PTPRD: variants seen among roughly 807,000 people sequenced by gnomAD.
PTPRD encodes the protein receptor-type tyrosine-protein phosphatase delta.
In PTPRD, 34 loss-of-function variants were observed where a neutral mutation model predicts 214.5. That is an observed-to-expected ratio of 0.16 (90% CI 0.12 to 0.21). The LOEUF is 0.21. Ranked by LOEUF, PTPRD falls within the 10% of genes least tolerant of loss-of-function variation. The pLI is 1.00. For missense variants in PTPRD, 2,545 were observed against 2,398.7 expected (o/e 1.06, Z -1.27); for synonymous variants, 1,128 against 845.7 (o/e 1.33, Z -5.79).
In PTPRD at chr9:8,838,384, T is replaced by C. The variant is rs1434927570; in HGVS notation, c.-103-104438A>G. Among the ~76,000 whole-genome samples the C allele has an allele frequency of 2.0e-5, 3 of 152,180 alleles. No homozygotes were observed. In the East Asian group the frequency reaches 5.8e-4, roughly 29 times the overall value. Reference sequence around the variant, plus strand: ...TATACCACAACCATATATCACTAGATGATTTAAAGGGAAAAAATTCACAAT... The same window carrying C: ...TATACCACAACCATATATCACTAGACGATTTAAAGGGAAAAAATTCACAAT... On this transcript the variant is annotated intron_variant, in intron 11 of 45. Transcript: ENST00000381196.
At chr9:8,536,713 A>G (rs1361149095) in intron 14 of PTPRD, among the ~76,000 whole-genome samples, 1 of 152,016 alleles carries the variant, frequency 6.6e-6, no homozygotes, top group African/African-American at 2.4e-5. Flanking sequence ...ATGAGCAGGC[A>G]CCAAAAGTCA....
intron 12 of PTPRD, among the ~76,000 whole-genome samples, chr9:8,691,761 G>C (rs1597142040): frequency 1.3e-5 from 2 of 152,128 alleles, no homozygotes; most frequent in East Asian, 3.9e-4. Flanking sequence ...TTTTCAATGT[G>C]ATGTGATCAA....
At chr9:9,532,121 C>A (rs7037955) in intron 8 of PTPRD, among the ~76,000 whole-genome samples, 2 of 151,874 alleles carry the variant, frequency 1.3e-5, no homozygotes, top group African/African-American at 4.8e-5. Context: ...AAATTAAAAT[C>A]TAAATGAATA....
chr9:8,534,897 A>G (rs2076562696), intron 14 of PTPRD, among the ~76,000 whole-genome samples: 1 of 151,940 alleles, frequency 6.6e-6, no homozygotes, highest in Non-Finnish European at 1.5e-5. Context: ...AGATAATTTG[A>G]ACTATTAGTT....
chr9:9,733,476 G>A (rs776822078), intron 7 of PTPRD, among the ~76,000 whole-genome samples: 11 of 152,136 alleles, frequency 7.2e-5, no homozygotes, highest in Non-Finnish European at 1.3e-4. Flanking sequence ...TGTTTGGTGG[G>A]AAGTGTGAAC....
chr9:9,774,760 A>C (rs2098783132), intron 5 of PTPRD, among the ~76,000 whole-genome samples: 1 of 152,206 alleles, frequency 6.6e-6, no homozygotes, highest in Non-Finnish European at 1.5e-5. Flanking sequence ...TAATCATTAC[A>C]GTGTGTCATA....
chr9:10,582,340 G>A (rs2072206595), intron 2 of PTPRD, among the ~76,000 whole-genome samples: 1 of 151,756 alleles, frequency 6.6e-6, no homozygotes, highest in Non-Finnish European at 1.5e-5. Context: ...CTATACTGTT[G>A]GTATTCTTTC....
chr9:9,305,727 A>G (rs1956922466), intron 9 of PTPRD, among the ~76,000 whole-genome samples: 1 of 152,070 alleles, frequency 6.6e-6, no homozygotes, highest in South Asian at 2.1e-4. Context: ...AAGATAAATG[A>G]GAGAGAGAAA....
intron 11 of PTPRD, among the ~76,000 whole-genome samples, chr9:8,958,173 A>G (rs1256202433): frequency 6.6e-6 from 1 of 152,000 alleles, no homozygotes; most frequent in African/African-American, 2.4e-5. Flanking sequence ...CGGGTGCCAG[A>G]ATTTGCTCTC....
rs144456106 is a variant in PTPRD at position 9,595,852 on chromosome 9, C to T, written c.-286-21071G>A. Among the ~76,000 whole-genome samples, 991 of 151,806 alleles carry T rather than the reference C, an allele frequency of 6.5e-3. 13 individuals are homozygous for T. The highest frequency in any genetic ancestry group is 0.022 in the African/African-American group (925 of 41,432). ...TACAAGCTGGGTGTAGTGTATACTG[C>T]TCAATGATAGGTACACCAAAATTTC... On this transcript the variant is annotated intron_variant, in intron 7 of 45. Coordinates refer to ENST00000381196, the MANE Select transcript of PTPRD (RefSeq NM_002839.4).
chr9:8,815,140 T>C (rs2096894982), intron 11 of PTPRD, among the ~76,000 whole-genome samples: 1 of 151,964 alleles, frequency 6.6e-6, no homozygotes, highest in Admixed American at 6.6e-5. Context: ...TTCATTTTTA[T>C]TGAGAAAAGG....
intron 14 of PTPRD, among the ~76,000 whole-genome samples, chr9:8,567,128 T>C (rs2089546578): frequency 6.6e-6 from 1 of 152,220 alleles, no homozygotes; most frequent in Non-Finnish European, 1.5e-5. Context: ...TTATAAACAA[T>C]GTTTCACATT....
chr9:8,693,017 C>G (rs902004163), intron 12 of PTPRD, among the ~76,000 whole-genome samples: 1 of 152,154 alleles, frequency 6.6e-6, no homozygotes, highest in African/African-American at 2.4e-5. Context: ...ACTGCATGTC[C>G]TGACACTCTG....
At position 10,169,076 on chromosome 9, in the gene PTPRD, G is replaced by C. The variant is rs79954263; in HGVS notation, c.-544-135286C>G. ...ATATACAGATATCTTTCAGAATGGA[G>C]AGATAATCCTGAAAACAGCAATGTT... On this transcript the variant is annotated intron_variant, in intron 3 of 45. Coordinates refer to ENST00000381196, the MANE Select transcript of PTPRD (RefSeq NM_002839.4). Among the ~76,000 whole-genome samples, 301 of 152,254 alleles carry C rather than the reference G, an allele frequency of 2.0e-3. 4 individuals are homozygous for C. The highest frequency in any genetic ancestry group is 6.8e-3 in the African/African-American group (284 of 41,552).
At chr9:9,338,927 C>G (rs934091374) in intron 9 of PTPRD, among the ~76,000 whole-genome samples, 15 of 152,074 alleles carry the variant, frequency 9.9e-5, no homozygotes, top group Non-Finnish European at 2.1e-4. Flanking sequence ...CCAAAACTTT[C>G]TATCAAAGAG....
chr9:9,903,542 T>C (rs755524925), intron 5 of PTPRD, among the ~76,000 whole-genome samples: 1 of 152,146 alleles, frequency 6.6e-6, no homozygotes, highest in Non-Finnish European at 1.5e-5. Flanking sequence ...TCACTTACTT[T>C]ACATTTCCAG....
chr9:10,024,343 T>C (rs973596396), intron 4 of PTPRD, among the ~76,000 whole-genome samples: 1 of 152,122 alleles, frequency 6.6e-6, no homozygotes, highest in African/African-American at 2.4e-5. Context: ...TTTTTATTTG[T>C]TGTTTATTTT....
At position 9,122,553 on chromosome 9, in the gene PTPRD, C is replaced by A. The variant is rs77062575; in HGVS notation, c.-143+60751G>T. On this transcript the variant is annotated intron_variant, in intron 10 of 45. Coordinates refer to ENST00000381196, the MANE Select transcript of PTPRD (RefSeq NM_002839.4). ...ATTTTGGACTCCTCTTCATTCCTAACATAATTTTAGCTAAATGTTTAAGAG... is the reference window on the plus strand; with the variant it reads ...ATTTTGGACTCCTCTTCATTCCTAAAATAATTTTAGCTAAATGTTTAAGAG... 7.5e-3 allele frequency among the ~76,000 whole-genome samples: 1,144 copies of A among 152,248 alleles called. 15 individuals carry two copies. The highest frequency in any genetic ancestry group is 0.026 in the African/African-American group (1,084 of 41,562).
At chr9:9,807,364 A>T (rs1472204474) in intron 5 of PTPRD, among the ~76,000 whole-genome samples, 1 of 152,142 alleles carries the variant, frequency 6.6e-6, no homozygotes, top group Non-Finnish European at 1.5e-5. Context: ...ATGTGAAGAT[A>T]AGTATTGAAA....
Sources: allele counts gnomAD v4.1 joint callset (sites outside exome capture counted in the v4.1 genomes callset), GRCh38; gene constraint gnomAD v4.1.1; transcripts MANE v1.5; gene names NCBI Gene and HGNC (gene_info 2026-07-23, HGNC 2026-07-21).